Variants in C2CD3 observed in about 807,000 individuals in gnomAD.
C2CD3 encodes the protein C2 domain-containing protein 3.
C2CD3 carries 148 observed loss-of-function variants against 234.0 expected under a neutral mutation model. That is an observed-to-expected ratio of 0.63 (90% confidence interval 0.55 to 0.72). The LOEUF (loss-of-function observed/expected upper bound fraction) is 0.72, where lower values mean the gene tolerates loss of function less well. Among genes scored for constraint, C2CD3 ranks in the 30% least tolerant of loss-of-function variants. C2CD3 has a pLI of 0.00. For synonymous variants in C2CD3, 1,000 were observed against 1,035.4 expected (o/e 0.97, Z 0.66); for missense variants, 2,577 against 2,811.5 (o/e 0.92, Z 1.89).
At chr11:74,153,120 AG>A (rs1330579337) in intron 3 of C2CD3, among the ~76,000 whole-genome samples, 1 of 152,196 alleles carries the variant, frequency 6.6e-6, no homozygotes, top group Non-Finnish European at 1.5e-5. Context: ...CAGAAGGCTG[AG>A]GCAGGAGGAC....
At chr11:74,033,210 T>C in intron 31 of C2CD3, 141 bp downstream of exon 31, 1 of 656,616 alleles carries the variant, frequency 1.5e-6, no homozygotes. Flanking sequence ...GTAGCACCTG[T>C]CATGCAGGTG....
At chr11:74,133,739 G>A (rs1957758253) in intron 5 of C2CD3, 182 bp from the exon 6 acceptor site, 2 of 614,648 alleles carry the variant, frequency 3.3e-6, no homozygotes, top group Non-Finnish European at 5.7e-6. Flanking sequence ...TGTTTACTGA[G>A]TTTCTACTGT....
chr11:74,111,039 CAAT>C (rs1283554598), intron 11 of C2CD3, among the ~76,000 whole-genome samples: 3 of 151,878 alleles, frequency 2.0e-5, no homozygotes, highest in African/African-American at 4.9e-5. Flanking sequence ...CCAACAACAA[CAAT>C]AATGTTTAAG....
At chr11:74,139,554 A>G (rs747418213) in intron 4 of C2CD3, 51 bp downstream of exon 4, 8 of 1,219,604 alleles carry the variant, frequency 6.6e-6, no homozygotes, top group Non-Finnish European at 9.7e-6. Context: ...AGAAATCACA[A>G]CTACAGTGCA....
At chr11:74,101,764 A>G (rs1237460243) in intron 14 of C2CD3, among the ~76,000 whole-genome samples, 1 of 152,052 alleles carries the variant, frequency 6.6e-6, no homozygotes, top group African/African-American at 2.4e-5. Context: ...AATATTCAGG[A>G]AAGTCTAAGT....
chr11:74,104,778 T>C (rs1358484405), intron 13 of C2CD3, among the ~76,000 whole-genome samples: 1 of 152,184 alleles, frequency 6.6e-6, no homozygotes, highest in African/African-American at 2.4e-5. Flanking sequence ...ATCCTAAGTG[T>C]TACATAGCAA....
At position 74,100,679 on chromosome 11, in the gene C2CD3, AAG is replaced by A. The variant is rs1311594877; in HGVS notation, c.2581-5_2581-4del. 3 of 1,599,496 alleles carry A rather than the reference AAG, an allele frequency of 1.9e-6. No homozygotes were observed. Among genetic ancestry groups the A allele is most frequent in the Middle Eastern group, 1.7e-4 (1 of 6,000 alleles). On this transcript the variant is annotated splice_region_variant and splice_polypyrimidine_tract_variant and intron_variant, in intron 14 of 32. Transcript: ENST00000334126. The stretch of plus-strand genomic sequence containing the variant: ...GAAGACAGAGAGACAGGAATCACCT[AAG>A]AGAGAGGAACAACCAAAACAAACAA...
In C2CD3 at chr11:74,085,865, G is replaced by C. The variant is rs766285233; in HGVS notation, c.3663C>G (p.Pro1221=). ...CGACTGTGGCACTAAACTGTAGAGC[G>C]GGTTCCCGTTCAGCCAAAGCCCTGT... The part of the protein sequence containing the change: ...AAAKALAERE[P]ALQFSATVGV... The change falls in exon 21 of 33, where the codon CCC becomes CCG. Residue 1221 remains proline (P), a synonymous_variant. Coordinates refer to ENST00000334126, the MANE Select transcript of C2CD3 (RefSeq NM_001286577.2). The C allele has an allele frequency of 3.7e-6, 6 of 1,613,162 alleles. No homozygotes were observed. Among genetic ancestry groups the C allele is most frequent in the African/African-American group, 1.3e-5 (1 of 74,904 alleles).
chr11:74,144,666 A>C (rs974666008), intron 3 of C2CD3, among the ~76,000 whole-genome samples: 3 of 151,872 alleles, frequency 2.0e-5, no homozygotes, highest in African/African-American at 7.3e-5. Flanking sequence ...TTCTGTTCTC[A>C]TTATTTAGCT....
chr11:74,080,983 C>T (rs567652500), intron 22 of C2CD3, among the ~76,000 whole-genome samples: 43 of 152,198 alleles, frequency 2.8e-4, no homozygotes, highest in African/African-American at 9.2e-4. Context: ...TTCTCTCTGG[C>T]AGGCACATAC....
At chr11:74,059,888 T>C (rs1954147871) in intron 24 of C2CD3, among the ~76,000 whole-genome samples, 1 of 152,080 alleles carries the variant, frequency 6.6e-6, no homozygotes, top group African/African-American at 2.4e-5. Context: ...CCATGATGGA[T>C]GGTACCTGGA....
At chr11:74,123,194 C>T (rs1052641692) in intron 7 of C2CD3, 59 bp from the exon 8 acceptor site, 3 of 1,298,070 alleles carry the variant, frequency 2.3e-6, no homozygotes, top group Non-Finnish European at 3.3e-6. Flanking sequence ...CTGAACTATT[C>T]TCTCTTTAGT....
intron 24 of C2CD3, among the ~76,000 whole-genome samples, chr11:74,059,094 G>A (rs2135441470): frequency 6.6e-6 from 1 of 152,284 alleles, no homozygotes; most frequent in Non-Finnish European, 1.5e-5. Flanking sequence ...GAGATGAGCA[G>A]AGCAGAAAAG....
At position 74,103,409 on chromosome 11, in the gene C2CD3, G is replaced by C; in HGVS notation, c.2302C>G (p.Arg768Gly). The C allele has an allele frequency of 6.2e-7, 1 of 1,614,120 alleles. No individual in the cohort carries two copies. The highest frequency in any genetic ancestry group is 1.6e-4 in the Middle Eastern group (1 of 6,062). The change falls in exon 14 of 33, where the codon CGA (arginine) becomes GGA (glycine). Residue 768 changes from arginine to glycine, a missense_variant. Transcript: ENST00000334126. ...KKAQNLVLPN[R>G]KSPSPVAPHP... ...GGTGCTACAGGGCTTGGTGACTTTC[G>C]GTTGGGGAGCACCAAGTTCTGTGCT...
chr11:74,126,099 A>G lies in C2CD3; in HGVS notation c.1218-2964T>C, dbSNP rs1020668416. On this transcript the variant is annotated intron_variant, in intron 7 of 32. Transcript: ENST00000334126. ...GACAGGTAAACTTCTGAGACTATGGATAAATAAAGTTATTTTTACTCTACC... is the reference window on the plus strand; with the variant it reads ...GACAGGTAAACTTCTGAGACTATGGGTAAATAAAGTTATTTTTACTCTACC... Among the ~76,000 whole-genome samples, 4 of 152,212 alleles carry G rather than the reference A, an allele frequency of 2.6e-5. No homozygotes were observed. The East Asian group carries it at 7.7e-4, about 29-fold the overall frequency.
intron 22 of C2CD3, among the ~76,000 whole-genome samples, chr11:74,084,478 G>A (rs189619065): frequency 1.8e-4 from 27 of 151,882 alleles, no homozygotes; most frequent in African/African-American, 6.0e-4. Context: ...GTTTCACCAT[G>A]TTAGCCAGGC....
At chr11:74,146,747 C>CACACACACACAT (rs58129019) in intron 3 of C2CD3, among the ~76,000 whole-genome samples, 10,170 of 143,942 alleles carry the variant, frequency 0.071, 567 homozygotes, top group African/African-American at 0.14. Flanking sequence ...CACACACACA[C>CACACACACACAT]AATTAACATA....
chr11:74,014,215 C>T (rs1359510819), intron 32 of C2CD3, among the ~76,000 whole-genome samples: 1 of 152,158 alleles, frequency 6.6e-6, no homozygotes, highest in Non-Finnish European at 1.5e-5. Context: ...GAGCTCAAAG[C>T]TATACAGGAA....
Position 74,049,538 on chromosome 11 carries a change from CTCA to C in C2CD3, c.5157_5159del (p.Asp1719del), listed in dbSNP as rs1323727416. ...CCGAGGCAAAGCCAATCACCCTCTC[CTCA>C]TCTGTAGAGGAAAGAGAAGAGCTGG... On this transcript the variant is annotated inframe_deletion and splice_region_variant, in exon 27 of 33. Transcript: ENST00000334126. The C allele has an allele frequency of 3.1e-6, 5 of 1,611,780 alleles. No homozygotes were observed. Among genetic ancestry groups the C allele is most frequent in the Non-Finnish European group, 4.2e-6 (5 of 1,179,670 alleles).
Sources: allele counts gnomAD v4.1 joint callset (sites outside exome capture counted in the v4.1 genomes callset), GRCh38; gene constraint gnomAD v4.1.1; transcripts MANE v1.5; gene names NCBI Gene and HGNC (gene_info 2026-07-23, HGNC 2026-07-21).